Variants in RASA4B observed in about 807,000 individuals in gnomAD.
RASA4B encodes ras GTPase-activating protein 4B.
A neutral mutation model predicts 24.2 loss-of-function variants in RASA4B; 2 were observed. The ratio of observed to expected loss-of-function variants is 0.08; its 90% confidence interval spans 0.03 to 0.26. The LOEUF (loss-of-function observed/expected upper bound fraction) is 0.26, where lower values mean the gene tolerates loss of function less well. Among genes scored for constraint, RASA4B ranks in the 10% least tolerant of loss-of-function variants. The probability of loss-of-function intolerance (pLI) is 1.00; values close to 1 mark genes in which losing one functional copy is unlikely to be tolerated. For synonymous variants in RASA4B, 2 were observed against 125.6 expected (o/e 0.02, Z 6.58); for missense variants, 8 against 277.2 (o/e 0.03, Z 6.90).
intron 2 of RASA4B, among the ~76,000 whole-genome samples, chr7:102,510,734 AC>A (rs1479982110): frequency 6.6e-6 from 1 of 151,546 alleles, no homozygotes; most frequent in African/African-American, 2.4e-5. Flanking sequence ...CGAACTCCTG[AC>A]CTCAGGTGAT....
chr7:102,513,156 G>A (rs1236146483), intron 1 of RASA4B, among the ~76,000 whole-genome samples: 1 of 142,898 alleles, frequency 7.0e-6, no homozygotes, highest in African/African-American at 2.5e-5. Context: ...CTGCCCAGTC[G>A]GCCTTCAGCC....
chr7:102,487,201 G>T (rs1237995568), intron 18 of RASA4B, among the ~76,000 whole-genome samples: 2 of 92,422 alleles, frequency 2.2e-5, no homozygotes, highest in African/African-American at 6.0e-5. Flanking sequence ...TGAGGCAGGA[G>T]GATTGCTTGA....
intron 8 of RASA4B, among the ~76,000 whole-genome samples, chr7:102,498,567 G>C (rs1459932226): frequency 1.4e-5 from 2 of 140,132 alleles, no homozygotes; most frequent in Admixed American, 7.4e-5. Context: ...CTGTTTTCTT[G>C]AGACGGAGTT....
chr7:102,496,141 T>G lies in RASA4B; in HGVS notation c.1070A>C (p.Lys357Thr). ...LASKSVESFL[K>T]VAGMQYLHGV... ...GGACAATATAGCATGCAACCTCACC[T>G]TCAGAAAAGACTCCACGGACTTTGA... The change falls in exon 11 of 21, where the codon AAG becomes ACG. Residue 357 changes from lysine to threonine, a missense_variant and splice_region_variant. Transcript: ENST00000465829. 6.2e-7 allele frequency: 1 copy of G among 1,613,916 alleles called. No individual in the cohort carries two copies. The highest frequency in any genetic ancestry group is 8.5e-7 in the Non-Finnish European group (1 of 1,179,806).
chr7:102,500,429 G>A (rs1375875882), intron 8 of RASA4B, among the ~76,000 whole-genome samples: 1 of 138,060 alleles, frequency 7.2e-6, no homozygotes, highest in Non-Finnish European at 1.6e-5. Context: ...TCGAGATCAC[G>A]CCATTGCACT....
At chr7:102,492,993 T>TGCCACACACCTG in intron 16 of RASA4B, 123 bp downstream of exon 16, 1 of 296,186 alleles carries the variant, frequency 3.4e-6, no homozygotes, top group African/African-American at 2.0e-5. Flanking sequence ...GCAGTACAGA[T>TGCCACACACCTG]GCCACACACC....
At chr7:102,504,702 A>G (rs1205874967) in intron 5 of RASA4B, among the ~76,000 whole-genome samples, 1 of 1,808 alleles carries the variant, frequency 5.5e-4, no homozygotes, top group African/African-American at 8.5e-4. Context: ...AAAACCCACC[A>G]AAAAAAAAAA....
intron 6 of RASA4B, among the ~76,000 whole-genome samples, chr7:102,502,417 C>T (rs2133333733): frequency 2.0e-5 from 1 of 48,906 alleles, no homozygotes; most frequent in South Asian, 6.8e-4. Context: ...ACCACCTGTT[C>T]CCCAATAACC....
rs1798571179 is a variant in RASA4B, at chr7:102,479,988, A to C, written c.*3604T>G. Among the ~76,000 whole-genome samples the C allele has an allele frequency of 6.6e-6, 1 of 152,148 alleles. No individual in the cohort carries two copies. Among genetic ancestry groups the C allele is most frequent in the Admixed American group, 6.6e-5 (1 of 15,236 alleles). On this transcript the variant is annotated 3_prime_UTR_variant, in exon 21 of 21. Transcript: ENST00000465829. ...CATTAATCATTAGTTTGTAGTAATT[A>C]TTCTTTATTCCAATATTATAATAAT... is the stretch of plus-strand genomic sequence containing the variant.
At chr7:102,513,011 C>G (rs1799755458) in intron 1 of RASA4B, among the ~76,000 whole-genome samples, 1 of 152,154 alleles carries the variant, frequency 6.6e-6, no homozygotes, top group Admixed American at 6.5e-5. Context: ...CCATCCCTGC[C>G]TCCCCCCAGA....
intron 1 of RASA4B, among the ~76,000 whole-genome samples, chr7:102,515,009 G>T (rs1216089625): frequency 1.7e-5 from 2 of 119,602 alleles, no homozygotes; most frequent in Non-Finnish European, 4.1e-5. Flanking sequence ...TGGCAGGAAG[G>T]CAGCTGGCAG....
At position 102,491,664 on chromosome 7, in the gene RASA4B, G is replaced by C. The variant is rs868603113; in HGVS notation, c.1831-541C>G. On this transcript the variant is annotated intron_variant, in intron 16 of 20. Coordinates refer to ENST00000465829, the MANE Select transcript of RASA4B (RefSeq NM_001367767.2). ...TGCCTGTAATCCCAGCTACTTGGGA[G>C]GCTGAGGCAGGAGAATCGCTTGAAC... is the stretch of plus-strand genomic sequence containing the variant. Among the ~76,000 whole-genome samples the C allele has an allele frequency of 9.4e-3, 667 of 71,092 alleles. 8 individuals carry two copies. The highest frequency in any genetic ancestry group is 0.082 in the Middle Eastern group (9 of 110). The allele number at this position is 71,092 out of a possible 152,430, so 46.6% of individuals were successfully genotyped here.
intron 17 of RASA4B, chr7:102,489,097 TC>T: frequency 2.1e-6 from 1 of 473,166 alleles, no homozygotes; most frequent in Non-Finnish European, 3.6e-6. Context: ...GCTCCACTTG[TC>T]CCCACGGAAG....
chr7:102,491,738 G>A (rs77382905), intron 16 of RASA4B, among the ~76,000 whole-genome samples: 14,737 of 67,056 alleles, frequency 0.22, 187 homozygotes, highest in Non-Finnish European at 0.33. Flanking sequence ...TTGCACTCTG[G>A]CCTGGGCAAC....
intron 8 of RASA4B, among the ~76,000 whole-genome samples, chr7:102,498,541 G>C (rs1429611653): frequency 6.9e-6 from 1 of 144,298 alleles, no homozygotes; most frequent in Non-Finnish European, 1.5e-5. Context: ...TTACAGGCAT[G>C]AGCCACCGCA....
chr7:102,512,762 G>A (rs1799736115), intron 1 of RASA4B, among the ~76,000 whole-genome samples: 1 of 145,110 alleles, frequency 6.9e-6, no homozygotes, highest in African/African-American at 2.5e-5. Flanking sequence ...AGAGGGAGGA[G>A]AGTAAGAGGG....
chr7:102,499,187 A>AAAT (rs1315718488), intron 8 of RASA4B, among the ~76,000 whole-genome samples: 1 of 84,150 alleles, frequency 1.2e-5, no homozygotes, highest in African/African-American at 3.3e-5. Flanking sequence ...TTCTGCTCAA[A>AAAT]AAAAAAATAT....
At chr7:102,492,592 G>A (rs1326423334) in intron 16 of RASA4B, among the ~76,000 whole-genome samples, 1 of 140,278 alleles carries the variant, frequency 7.1e-6, no homozygotes, top group Non-Finnish European at 1.6e-5. Flanking sequence ...CAGGCCCTGG[G>A]TCAGGACCCT....
Position 102,493,831 on chromosome 7 carries a change from T to A in RASA4B, c.1654A>T (p.Lys552Ter). 2 of 346,798 alleles carry A rather than the reference T, an allele frequency of 5.8e-6. No homozygotes were observed. Among genetic ancestry groups the A allele is most frequent in the South Asian group, 5.8e-5 (2 of 34,616 alleles). The allele number at this position is 346,798 out of a possible 1,614,324, so 21.5% of individuals were successfully genotyped here. ...FITKLVDIEE[K>*]DELDLQRTLS... Reference sequence around the variant, plus strand: ...TGTGCAGGGCGGCGCTCACCGTCCTTCTCCTCGATGTCCACGAGCTTGGTG... The same window carrying A: ...TGTGCAGGGCGGCGCTCACCGTCCTACTCCTCGATGTCCACGAGCTTGGTG... The change falls in exon 15 of 21, where the codon AAG (lysine) becomes TAG (stop). Residue 552 changes from lysine to a stop codon, truncating the protein, a stop_gained. Coordinates refer to ENST00000465829, the MANE Select transcript of RASA4B (RefSeq NM_001367767.2). LOFTEE classifies it high-confidence loss of function.
Sources: gnomAD v4.1 joint callset for allele counts (sites outside exome capture counted in the v4.1 genomes callset) on GRCh38, gnomAD v4.1.1 for gene constraint, MANE v1.5 for transcripts, NCBI Gene and HGNC (gene_info 2026-07-23, HGNC 2026-07-21) for gene names.